The following ENPEP variants were observed in gnomAD, a reference collection of about 807,000 sequenced individuals.
ENPEP encodes the protein glutamyl aminopeptidase.
ENPEP carries 103 observed loss-of-function variants against 114.5 expected under a neutral mutation model. That is an observed-to-expected ratio of 0.90 (90% CI 0.77 to 1.06). ENPEP has a LOEUF of 1.06. Ranked by LOEUF, ENPEP falls within the 50% of genes least tolerant of loss-of-function variation. ENPEP has a pLI of 0.00. For missense variants in ENPEP, 1,196 were observed against 1,161.3 expected, an observed-to-expected ratio of 1.03 and a Z score of -0.43; for synonymous variants, 420 against 422.0, an observed-to-expected ratio of 1.00 and a Z score of 0.06.
chr4:110,561,389 TC>T lies in ENPEP; in HGVS notation c.2722-13del. The T allele has an allele frequency of 1.2e-6, 2 of 1,611,378 alleles. No individual in the cohort carries two copies. The highest frequency in any genetic ancestry group is 1.7e-6 in the Non-Finnish European group (2 of 1,179,236). ...GGCTATAAATGACAATCCTAATTAC[TC>T]CCCTCTCTTTTCTAGATGGAGAGCT... On this transcript the variant is annotated splice_polypyrimidine_tract_variant and intron_variant, in intron 19 of 19. Transcript: ENST00000265162.
At chr4:110,549,288 G>T in intron 14 of ENPEP, 58 bp from the exon 15 acceptor site, 1 of 1,318,368 alleles carries the variant, frequency 7.6e-7, no homozygotes, top group East Asian at 2.3e-5. Flanking sequence ...TATAATAATT[G>T]GGATACTACT....
intron 6 of ENPEP, 59 bp from the exon 7 acceptor site, chr4:110,513,356 A>C: frequency 6.5e-7 from 1 of 1,530,870 alleles, no homozygotes; most frequent in South Asian, 1.3e-5. Flanking sequence ...ATGGTATTTT[A>C]GTTTATAAAC....
chr4:110,535,636 A>G (rs1726586212), intron 11 of ENPEP, among the ~76,000 whole-genome samples: 1 of 152,238 alleles, frequency 6.6e-6, no homozygotes, highest in African/African-American at 2.4e-5. Flanking sequence ...TAGTTAGTGA[A>G]TCTGAATACT....
Position 110,554,542 on chromosome 4 carries a change from A to AGT in ENPEP, c.2642+1103_2642+1104dup, listed in dbSNP as rs140987098. 2.0e-3 allele frequency among the ~76,000 whole-genome samples: 301 copies of AGT among 150,442 alleles called. 3 individuals carry two copies. Among genetic ancestry groups the AGT allele is most frequent in the Middle Eastern group, 7.0e-3 (2 of 286 alleles). ...ATGAAGATTGGTTGGTGTGCATGTG[A>AGT]GTGTGTGTGTGTGTGTGCACGCACA... On this transcript the variant is annotated intron_variant, in intron 18 of 19. Transcript: ENST00000265162.
chr4:110,486,734 A>G (rs1292182156), intron 1 of ENPEP, among the ~76,000 whole-genome samples: 1 of 152,110 alleles, frequency 6.6e-6, no homozygotes, highest in Non-Finnish European at 1.5e-5. Context: ...AATCTTATCT[A>G]TACATGTAAC....
chr4:110,556,043 T>C (rs1303769251), intron 18 of ENPEP, among the ~76,000 whole-genome samples: 1 of 152,040 alleles, frequency 6.6e-6, no homozygotes, highest in African/African-American at 2.4e-5. Context: ...AAATATGTCC[T>C]TTAGACAAAA....
At chr4:110,510,009 G>A (rs1453374404) in intron 5 of ENPEP, among the ~76,000 whole-genome samples, 2 of 152,214 alleles carry the variant, frequency 1.3e-5, no homozygotes, top group Middle Eastern at 3.4e-3. Flanking sequence ...ATATGCACGA[G>A]GCCTTCATAT....
intron 13 of ENPEP, among the ~76,000 whole-genome samples, chr4:110,543,794 A>G (rs2110388176): frequency 6.6e-6 from 1 of 152,124 alleles, no homozygotes; most frequent in East Asian, 1.9e-4. Flanking sequence ...ATGTGCTAAG[A>G]ATGAGGAGCC....
chr4:110,550,651 T>C (rs903334283), intron 17 of ENPEP, among the ~76,000 whole-genome samples: 1 of 152,126 alleles, frequency 6.6e-6, no homozygotes, highest in East Asian at 1.9e-4. Flanking sequence ...TTTTGCTTAG[T>C]TATAGTGTCT....
Position 110,564,795 on chromosome 4 carries a change from A to G in ENPEP, c.*3237A>G, listed in dbSNP as rs1409289162. The G allele has an allele frequency of 6.6e-6, 1 of 152,210 alleles. No homozygotes were observed. Among genetic ancestry groups the G allele is most frequent in the Admixed American group, 6.5e-5 (1 of 15,276 alleles). The allele number at this position is 152,210 out of a possible 1,614,324, so 9.4% of individuals were successfully genotyped here. On this transcript the variant is annotated 3_prime_UTR_variant, in exon 20 of 20. Transcript: ENST00000265162. ...AGTGAAAATGATGTATGTCAATTTT[A>G]GGCAGAAACGTCCAGAGCCAGCACT... is the stretch of plus-strand genomic sequence containing the variant.
chr4:110,504,068 G>C (rs917155374), intron 3 of ENPEP, among the ~76,000 whole-genome samples: 5 of 152,338 alleles, frequency 3.3e-5, no homozygotes, highest in African/African-American at 1.2e-4. Context: ...CTTGGAGCAA[G>C]CTCAGGCTTT....
In ENPEP at chr4:110,549,508, GTGTT is replaced by G. The variant is rs757827092; in HGVS notation, c.2226-10_2226-7del. Reference sequence around the variant, plus strand: ...GAAAAGTGCTTAAGGCCCTGGATTTGTGTTTGTTTGTTTTTTAAGGTTACTCCGT... The same window carrying G: ...GAAAAGTGCTTAAGGCCCTGGATTTGTGTTTGTTTTTTAAGGTTACTCCGT... On this transcript the variant is annotated splice_polypyrimidine_tract_variant and intron_variant, in intron 15 of 19. Coordinates refer to ENST00000265162, the MANE Select transcript of ENPEP (RefSeq NM_001977.4). 1.8e-5 allele frequency: 29 copies of G among 1,612,942 alleles called. No homozygotes were observed. Among genetic ancestry groups the G allele is most frequent in the African/African-American group, 9.4e-5 (7 of 74,848 alleles).
intron 11 of ENPEP, among the ~76,000 whole-genome samples, chr4:110,536,623 GGA>G (rs1235679531): frequency 6.6e-6 from 1 of 152,142 alleles, no homozygotes; most frequent in African/African-American, 2.4e-5. Flanking sequence ...GTTTTCTGTA[GGA>G]CCAGACCTGT....
intron 3 of ENPEP, among the ~76,000 whole-genome samples, chr4:110,505,282 A>G (rs553081521): frequency 6.6e-6 from 1 of 152,252 alleles, no homozygotes; most frequent in East Asian, 1.9e-4. Flanking sequence ...CTTAACAACT[A>G]TTAGAGAAAA....
At chr4:110,534,411 A>T (rs1283179460) in intron 11 of ENPEP, among the ~76,000 whole-genome samples, 1 of 151,002 alleles carries the variant, frequency 6.6e-6, no homozygotes. Flanking sequence ...TTATCCTGTC[A>T]CTTTCATCAG....
At chr4:110,531,086 A>T (rs1578410309) in intron 10 of ENPEP, 112 bp from the exon 11 acceptor site, 1 of 593,152 alleles carries the variant, frequency 1.7e-6, no homozygotes, top group South Asian at 3.4e-5. Flanking sequence ...TATGGACTAG[A>T]TAATCATTTA....
Position 110,476,361 on chromosome 4 carries a change from A to C in ENPEP, c.-54A>C. 1 of 1,494,064 alleles carries C rather than the reference A, an allele frequency of 6.7e-7. No homozygotes were observed. Among genetic ancestry groups the C allele is most frequent in the East Asian group, 2.3e-5 (1 of 43,618 alleles). The allele number at this position is 1,494,064 out of a possible 1,614,324, so 92.6% of individuals were successfully genotyped here. A position where few individuals can be genotyped will look rare whatever the true frequency, so the allele number is the denominator to read the frequency against. ...TTTAAAAAGGAAGTCTGCTGACGTT[A>C]GTTAGTTAAATTTAACATCTTTTTA... On this transcript the variant is annotated 5_prime_UTR_variant, in exon 1 of 20. Transcript: ENST00000265162.
intron 3 of ENPEP, among the ~76,000 whole-genome samples, chr4:110,494,135 CAG>C (rs1475008416): frequency 1.3e-5 from 2 of 152,162 alleles, no homozygotes; most frequent in Non-Finnish European, 2.9e-5. Flanking sequence ...AAATAGTAGT[CAG>C]AGTTTTAGAA....
chr4:110,547,458 G>T (rs993128517), intron 13 of ENPEP, among the ~76,000 whole-genome samples: 1 of 152,026 alleles, frequency 6.6e-6, no homozygotes, highest in Admixed American at 6.6e-5. Context: ...AGAGGTTCTT[G>T]TACTAGTGGT....
Sources: gnomAD v4.1 joint callset for allele counts (sites outside exome capture counted in the v4.1 genomes callset) on GRCh38, gnomAD v4.1.1 for gene constraint, MANE v1.5 for transcripts, NCBI Gene and HGNC (gene_info 2026-07-23, HGNC 2026-07-21) for gene names.